ANK2: variants seen among roughly 807,000 people sequenced by gnomAD.
ANK2 encodes ankyrin-2.
A neutral mutation model predicts 360.5 loss-of-function variants in ANK2; 83 were observed. The observed-to-expected ratio is 0.23, with a 90% CI of 0.19 to 0.28. The LOEUF (loss-of-function observed/expected upper bound fraction) is 0.28, where lower values mean the gene tolerates loss of function less well. Among genes scored for constraint, ANK2 ranks in the 10% least tolerant of loss-of-function variants. ANK2 has a pLI of 1.00. For synonymous variants in ANK2, 1,740 were observed against 1,759.5 expected (o/e 0.99, Z 0.28); for missense variants, 4,201 against 4,795.7 (o/e 0.88, Z 3.66).
rs964212978 is a variant in ANK2, at chr4:113,354,814, A to G, written c.6196A>G (p.Arg2066Gly). Residue 2066 changes from arginine to glycine, a missense_variant, in exon 38 of 46, where the codon AGA becomes GGA. By Grantham distance (125) the Arg-to-Gly change is moderately radical. This residue lies in a region of ANK2 where 2,642 missense variants were observed against 2,714.5 expected (regional missense o/e 0.97). Transcript: ENST00000357077. ...GGTAACGGGCACAGCAGAATCCAAA[A>G]GAGGAGTTCGTGTTTCCTCCATAGG... ...LPVTGTAESK[R>G]GVRVSSIGVK... 1.2e-6 allele frequency: 2 copies of G among 1,614,056 alleles called. No individual in the cohort carries two copies. Among genetic ancestry groups the G allele is most frequent in the African/African-American group, 2.7e-5 (2 of 74,940 alleles).
In ANK2 at chr4:113,287,586, G is replaced by C. The variant is rs762741431; in HGVS notation, c.2080-19G>C. 6.5e-7 allele frequency: 1 copy of C among 1,534,266 alleles called. No individual in the cohort carries two copies. Among genetic ancestry groups the C allele is most frequent in the East Asian group, 2.2e-5 (1 of 44,510 alleles). On this transcript the variant is annotated intron_variant, in intron 18 of 45. Coordinates refer to ENST00000357077, the MANE Select transcript of ANK2 (RefSeq NM_001148.6). ...TTTTCTTCTTCAACTGTATCCCTTTGGTTCCATTCTTTCTGTAGAGTGGAC... is the reference window on the plus strand; with the variant it reads ...TTTTCTTCTTCAACTGTATCCCTTTCGTTCCATTCTTTCTGTAGAGTGGAC...
intron 31 of ANK2, among the ~76,000 whole-genome samples, chr4:113,337,211 G>T (rs2093654530): frequency 1.3e-5 from 2 of 152,152 alleles, no homozygotes; most frequent in South Asian, 4.1e-4. Flanking sequence ...ACTGTCTTGA[G>T]TAATTATACC....
chr4:113,130,572 C>T (rs1294675213), intron 1 of ANK2, among the ~76,000 whole-genome samples: 1 of 152,080 alleles, frequency 6.6e-6, no homozygotes, highest in Non-Finnish European at 1.5e-5. Context: ...GTGTGTTTAC[C>T]TGGGAGAACT....
intron 45 of ANK2, chr4:113,374,659 T>C (rs2096861093): frequency 1.4e-6 from 1 of 711,736 alleles, no homozygotes; most frequent in Non-Finnish European, 1.8e-6. Context: ...GGAAAGCCAG[T>C]ATGTAACTTT....
intron 33 of ANK2, 119 bp downstream of exon 33, chr4:113,342,035 A>G: frequency 8.8e-7 from 1 of 1,131,310 alleles, no homozygotes; most frequent in South Asian, 1.5e-5. Context: ...ACAAGTTCGC[A>G]TTTTGGTCAG....
chr4:113,358,022 G>A lies in ANK2; in HGVS notation c.9404G>A (p.Gly3135Asp). ...GAAAGTTTTCACTTTTTCCAAATTG[G>A]TCAAGAATCCAGGGAAGAGACTCTC... ...ADESFHFFQIGQESREETLSE... is the reference protein window; with the variant it reads ...ADESFHFFQIDQESREETLSE... The change falls in exon 38 of 46, where the codon GGT becomes GAT. Residue 3135 changes from glycine to aspartate, a missense_variant. By Grantham distance (94) the Gly-to-Asp change is moderately conservative. Transcript: ENST00000357077. The A allele has an allele frequency of 6.2e-7, 1 of 1,613,998 alleles. No individual in the cohort carries two copies. Among genetic ancestry groups the A allele is most frequent in the Non-Finnish European group, 8.5e-7 (1 of 1,179,962 alleles).
intron 1 of ANK2, chr4:112,880,391 C>T (rs544787139): frequency 1.3e-5 from 2 of 152,218 alleles, no homozygotes; most frequent in African/African-American, 4.8e-5. Context: ...AGCTAATATA[C>T]CAGTTGTTAC....
At chr4:112,836,108 A>C (rs1424615363) in intron 1 of ANK2, among the ~76,000 whole-genome samples, 1 of 152,088 alleles carries the variant, frequency 6.6e-6, no homozygotes, top group Non-Finnish European at 1.5e-5. Context: ...TATAATCCCC[A>C]TGTGTTGAAG....
At position 112,835,072 on chromosome 4, in the gene ANK2, T is replaced by G. The variant is rs189357330; in HGVS notation, c.-40+16808T>G. Among the ~76,000 whole-genome samples, 792 of 152,356 alleles carry G rather than the reference T, an allele frequency of 5.2e-3. 4 individuals are homozygous for G. Among genetic ancestry groups the G allele is most frequent in the Non-Finnish European group, 8.3e-3 (562 of 68,032 alleles). ...AACCCATATTTCTCATGTTTCACTT[T>G]GAGTGATACTAAGATTTAGGAGAGG... On this transcript the variant is annotated intron_variant, in intron 1 of 30. Transcript: ENST00000503271.
chr4:113,316,502 CT>C (rs1160225869), intron 24 of ANK2, among the ~76,000 whole-genome samples: 1 of 152,184 alleles, frequency 6.6e-6, no homozygotes, highest in Non-Finnish European at 1.5e-5. Flanking sequence ...ATAGTTTCTA[CT>C]AATAAATATG....
intron 37 of ANK2, 108 bp downstream of exon 37, chr4:113,350,357 T>C (rs1388111322): frequency 4.5e-6 from 4 of 885,500 alleles, no homozygotes; most frequent in Non-Finnish European, 7.0e-6. Flanking sequence ...AGTAATTACA[T>C]TTTTATATTA....
chr4:113,055,073 T>C (rs1254004315), intron 1 of ANK2, among the ~76,000 whole-genome samples: 4 of 152,080 alleles, frequency 2.6e-5, no homozygotes, highest in Non-Finnish European at 4.4e-5. Flanking sequence ...GGCTCCCAAC[T>C]CTTTCTTATG....
At chr4:112,985,005 T>C (rs1242435164) in intron 2 of ANK2, among the ~76,000 whole-genome samples, 2 of 152,178 alleles carry the variant, frequency 1.3e-5, no homozygotes, top group Admixed American at 6.5e-5. Flanking sequence ...AATTGTATAG[T>C]GAATATTTAT....
chr4:112,852,785 A>C (rs1056639022), intron 1 of ANK2, among the ~76,000 whole-genome samples: 1 of 152,188 alleles, frequency 6.6e-6, no homozygotes, highest in Non-Finnish European at 1.5e-5. Flanking sequence ...TACTGACAGG[A>C]AAAAAATGTT....
chr4:113,066,267 G>A (rs1264821390), intron 1 of ANK2, among the ~76,000 whole-genome samples: 2 of 152,104 alleles, frequency 1.3e-5, no homozygotes, highest in African/African-American at 2.4e-5. Context: ...CGACCACAGG[G>A]GCTGGACTCA....
At chr4:112,786,873 C>T in the ANK2 span, among the ~76,000 whole-genome samples, 2 of 151,692 alleles carry the variant, frequency 1.3e-5, no homozygotes. Flanking sequence ...CTCAGCCTCC[C>T]GAGTAGCTGG....
chr4:113,167,079 A>C (rs2097776198), intron 1 of ANK2, among the ~76,000 whole-genome samples: 1 of 152,202 alleles, frequency 6.6e-6, no homozygotes, highest in Non-Finnish European at 1.5e-5. Flanking sequence ...TACAAATTTC[A>C]TTAAAAATAT....
chr4:113,109,410 T>C (rs2094031216), intron 1 of ANK2, among the ~76,000 whole-genome samples: 1 of 152,178 alleles, frequency 6.6e-6, no homozygotes, highest in African/African-American at 2.4e-5. Flanking sequence ...AGCTTGAGTT[T>C]TGTTGTAAGT....
intron 1 of ANK2, among the ~76,000 whole-genome samples, chr4:112,843,386 A>C (rs937274347): frequency 6.6e-5 from 10 of 152,166 alleles, no homozygotes; most frequent in Admixed American, 2.0e-4. Context: ...TTATCTGAGA[A>C]CTCTCAACAG....
Sources: allele counts gnomAD v4.1 joint callset (sites outside exome capture counted in the v4.1 genomes callset), GRCh38; gene constraint gnomAD v4.1.1; regional missense constraint gnomAD v4.1.1; transcripts MANE v1.5; gene names NCBI Gene and HGNC (gene_info 2026-07-23, HGNC 2026-07-21).